DNM1L: variants seen among roughly 807,000 people sequenced by gnomAD.
DNM1L encodes the protein dynamin 1L, also known as dynamin-1-like protein.
In DNM1L, 33 loss-of-function variants were observed where a neutral mutation model predicts 92.8. That is an observed-to-expected ratio of 0.36 (90% CI 0.27 to 0.48). The LOEUF (loss-of-function observed/expected upper bound fraction) is 0.48, where lower values mean the gene tolerates loss of function less well. Among genes scored for constraint, DNM1L ranks in the 20% least tolerant of loss-of-function variants. The probability of loss-of-function intolerance (pLI) is 0.99; values close to 1 mark genes in which losing one functional copy is unlikely to be tolerated. For missense variants in DNM1L, 485 were observed against 888.8 expected, an observed-to-expected ratio of 0.55 and a Z score of 5.78; for synonymous variants, 284 against 305.0, an observed-to-expected ratio of 0.93 and a Z score of 0.72.
At chr12:32,715,304 A>G (rs10844311) in intron 6 of DNM1L, among the ~76,000 whole-genome samples, 23,334 of 152,006 alleles carry the variant, frequency 0.15, 1,890 homozygotes, top group Middle Eastern at 0.21. Context: ...GAAATAATCC[A>G]GCCCAGTATT....
rs1185319738 is a variant in DNM1L, at chr12:32,744,271, T to G, written c.*861T>G. 6.6e-6 allele frequency: 1 copy of G among 152,370 alleles called. No homozygotes were observed. 9.4% of individuals were successfully genotyped at this position (152,370 alleles called of 1,614,324 possible). A position where few individuals can be genotyped will look rare whatever the true frequency, so the allele number is the denominator to read the frequency against. Reference sequence around the variant, plus strand: ...AAGGTACATCTCTAAAGTGGAGCACTTACACCAGGCTCTAAGATTCACTTT... The same window carrying G: ...AAGGTACATCTCTAAAGTGGAGCACGTACACCAGGCTCTAAGATTCACTTT... On this transcript the variant is annotated 3_prime_UTR_variant, in exon 20 of 20. Transcript: ENST00000549701.
chr12:32,708,129 C>G, intron 3 of DNM1L, 24 bp from the exon 4 acceptor site: 5 of 1,448,998 alleles, frequency 3.5e-6, no homozygotes, highest in Non-Finnish European at 4.8e-6. Context: ...GAATATTATG[C>G]TTTTTTATTT....
intron 9 of DNM1L, among the ~76,000 whole-genome samples, chr12:32,730,369 GAAAC>G (rs1219788347): frequency 6.6e-6 from 1 of 151,688 alleles, no homozygotes; most frequent in Non-Finnish European, 1.5e-5. Flanking sequence ...GTCTCAAAAA[GAAAC>G]AAAACAACAA....
intron 7 of DNM1L, 77 bp from the exon 8 acceptor site, chr12:32,720,587 G>T (rs1953757287): frequency 3.2e-6 from 5 of 1,585,578 alleles, no homozygotes; most frequent in Non-Finnish European, 4.3e-6. Context: ...AGAGAACAAT[G>T]CCTGGTGCTG....
chr12:32,738,344 C>G, intron 16 of DNM1L, 48 bp downstream of exon 16: 2 of 1,597,508 alleles, frequency 1.3e-6, no homozygotes, highest in Non-Finnish European at 1.7e-6. Context: ...TTGGTTCTCA[C>G]TGAAACACTG....
chr12:32,696,524 C>A (rs1021678792), intron 1 of DNM1L, among the ~76,000 whole-genome samples: 11 of 151,526 alleles, frequency 7.3e-5, no homozygotes, highest in African/African-American at 2.7e-4. Flanking sequence ...CTATTGAGCC[C>A]AGGAATTGGA....
rs1565518817 is a variant in DNM1L, at chr12:32,717,896, A to AG, written c.620-747_620-746insG. On this transcript the variant is annotated intron_variant, in intron 6 of 19. Coordinates refer to ENST00000549701, the MANE Select transcript of DNM1L (RefSeq NM_012062.5). ...TATACTATATATATTTATATATACT[A>AG]TATATAGTATATATATAAAATATAG... Among the ~76,000 whole-genome samples the AG allele has an allele frequency of 3.6e-4, 36 of 100,744 alleles. 3 individuals carry two copies. Among genetic ancestry groups the AG allele is most frequent in the African/African-American group, 1.6e-3 (36 of 23,218 alleles). 66.1% of individuals were successfully genotyped at this position (100,744 alleles called of 152,430 possible). A position where few individuals can be genotyped will look rare whatever the true frequency, so the allele number is the denominator to read the frequency against.
intron 6 of DNM1L, among the ~76,000 whole-genome samples, chr12:32,716,741 A>AGTATAT (rs1555120319): frequency 2.2e-4 from 26 of 119,772 alleles, no homozygotes; most frequent in African/African-American, 6.2e-4. Flanking sequence ...CACTATATAT[A>AGTATAT]GTATATATAT....
intron 9 of DNM1L, among the ~76,000 whole-genome samples, chr12:32,730,759 C>G (rs1243153684): frequency 6.6e-6 from 1 of 152,172 alleles, no homozygotes; most frequent in East Asian, 1.9e-4. Context: ...TCTTAGTTAA[C>G]TGTTGATTTA....
chr12:32,701,586 T>C (rs1236041075), intron 2 of DNM1L, 24 bp downstream of exon 2: 4 of 1,585,964 alleles, frequency 2.5e-6, no homozygotes, highest in Non-Finnish European at 3.5e-6. Flanking sequence ...TTGAGATAAT[T>C]ATTTTACAGC....
intron 18 of DNM1L, among the ~76,000 whole-genome samples, chr12:32,742,020 C>G (rs1254735342): frequency 6.6e-6 from 1 of 151,916 alleles, no homozygotes; most frequent in African/African-American, 2.4e-5. Context: ...GGATTTTTCT[C>G]ACTTCTTGGC....
At chr12:32,686,770 T>G (rs1046552555) in intron 1 of DNM1L, among the ~76,000 whole-genome samples, 9 of 152,146 alleles carry the variant, frequency 5.9e-5, no homozygotes, top group African/African-American at 2.2e-4. Context: ...AGGGTGCAGT[T>G]TTTCTGTATC....
chr12:32,705,163 C>T (rs1052151026), intron 2 of DNM1L, among the ~76,000 whole-genome samples: 2 of 151,866 alleles, frequency 1.3e-5, no homozygotes, highest in African/African-American at 4.8e-5. Context: ...CCACTACGCC[C>T]AGCTAATTTT....
At chr12:32,705,927 C>A in intron 2 of DNM1L, 1 of 1,404,294 alleles carries the variant, frequency 7.1e-7, no homozygotes, top group Non-Finnish European at 9.7e-7. Flanking sequence ...TGCTTATGTA[C>A]TATTACAGGC....
chr12:32,694,621 A>G (rs759135842), intron 1 of DNM1L, among the ~76,000 whole-genome samples: 3 of 152,254 alleles, frequency 2.0e-5, no homozygotes, highest in Admixed American at 6.5e-5. Context: ...CAGCAGTGGT[A>G]GAATAGTTTC....
In DNM1L at chr12:32,733,738, A is replaced by G. The variant is rs79393011; in HGVS notation, c.1470A>G (p.Glu490=). The G allele has an allele frequency of 0.01, 16,493 of 1,613,920 alleles. 90 individuals are homozygous for G. Among genetic ancestry groups the G allele is most frequent in the Non-Finnish European group, 0.012 (14,062 of 1,179,878 alleles). ...NEMVHNLVAI[E]LAYINTKHPD... ...AGGTCCATAACTTAGTGGCAATTGA[A>G]CTGGCTTATATCAACACAAAACATC... Residue 490 remains glutamate, a synonymous_variant, in exon 13 of 20, where the codon GAA becomes GAG. Transcript: ENST00000549701.
chr12:32,727,015 T>C, intron 9 of DNM1L: 1 of 742,082 alleles, frequency 1.3e-6, no homozygotes, highest in Non-Finnish European at 2.5e-6. Flanking sequence ...AGCATATCAC[T>C]GAGCAAGTCA....
At chr12:32,738,038 G>C in intron 15 of DNM1L, 96 bp downstream of exon 15, 1 of 1,360,640 alleles carries the variant, frequency 7.3e-7, no homozygotes, top group Non-Finnish European at 1.0e-6. Context: ...ATATTAATAT[G>C]GGATACTGTG....
Position 32,738,272 on chromosome 12 carries a change from G to A in DNM1L, c.1683G>A (p.Gln561=). 6.2e-7 allele frequency: 1 copy of A among 1,613,548 alleles called. No individual in the cohort carries two copies. Among genetic ancestry groups the A allele is most frequent in the Non-Finnish European group, 8.5e-7 (1 of 1,179,740 alleles). ...AACATATCTTTTAACAGTTAATTCA[G>A]GACAGCAGAAGAGAAACTAAAAATG... is the stretch of plus-strand genomic sequence containing the variant. ...ASAEADGKLI[Q]DSRRETKNVA... is the part of the protein sequence containing the mutation. Residue 561 remains glutamine, a synonymous_variant, in exon 16 of 20, where the codon CAG becomes CAA. Transcript: ENST00000549701.
Sources: gnomAD v4.1 joint callset for allele counts (sites outside exome capture counted in the v4.1 genomes callset) on GRCh38, gnomAD v4.1.1 for gene constraint, MANE v1.5 for transcripts, NCBI Gene and HGNC (gene_info 2026-07-23, HGNC 2026-07-21) for gene names.